Variants in LRP1B observed in about 807,000 individuals in gnomAD.
LRP1B encodes LDL receptor related protein 1B, also known as low-density lipoprotein receptor-related protein 1B.
In LRP1B, 217 loss-of-function variants were observed where a neutral mutation model predicts 556.6. That is an observed-to-expected ratio of 0.39 (90% CI 0.35 to 0.44). The LOEUF is 0.44. Among genes scored for constraint, LRP1B ranks in the 20% least tolerant of loss-of-function variants. The probability of loss-of-function intolerance (pLI) is 1.00; values close to 1 mark genes in which losing one functional copy is unlikely to be tolerated. For synonymous variants in LRP1B, 2,047 were observed against 1,865.8 expected, an observed-to-expected ratio of 1.10 and a Z score of -2.50; for missense variants, 5,053 against 5,620.8, an observed-to-expected ratio of 0.90 and a Z score of 3.23.
chr2:141,202,428 A>G (rs13396738), intron 6 of LRP1B, among the ~76,000 whole-genome samples: 39,352 of 152,090 alleles, frequency 0.26, 6,234 homozygotes, highest in East Asian at 0.63. Context: ...CTGGGTATAT[A>G]CCCAGTAACG....
chr2:140,836,394 A>G (rs1691903722), intron 31 of LRP1B, among the ~76,000 whole-genome samples: 1 of 152,088 alleles, frequency 6.6e-6, no homozygotes, highest in South Asian at 2.1e-4. Flanking sequence ...TTTTTTCCCA[A>G]CCATGTTGTC....
intron 20 of LRP1B, among the ~76,000 whole-genome samples, chr2:140,941,936 A>G (rs1695414458): frequency 1.3e-5 from 2 of 152,178 alleles, no homozygotes; most frequent in Admixed American, 1.3e-4. Context: ...AGCAATGAAC[A>G]CTAACCAAAT....
At chr2:140,556,677 C>G (rs895500868) in intron 43 of LRP1B, among the ~76,000 whole-genome samples, 3 of 151,948 alleles carry the variant, frequency 2.0e-5, no homozygotes, top group African/African-American at 7.2e-5. Flanking sequence ...GTCCCTACAT[C>G]TGTTTGAAAC....
At chr2:140,948,400 C>T (rs1157795632) in intron 20 of LRP1B, among the ~76,000 whole-genome samples, 2 of 151,752 alleles carry the variant, frequency 1.3e-5, no homozygotes, top group African/African-American at 2.4e-5. Context: ...TTTCTTTTTT[C>T]ACTCAATATT....
rs546282732 is a variant in LRP1B at position 141,165,663 on chromosome 2, A to C, written c.1013+22758T>G. 2.3e-3 allele frequency among the ~76,000 whole-genome samples: 350 copies of C among 152,128 alleles called. 2 individuals are homozygous for C. The highest frequency in any genetic ancestry group is 8.0e-3 in the African/African-American group (333 of 41,542). On this transcript the variant is annotated intron_variant, in intron 7 of 90. Transcript: ENST00000389484. ...TTGTGTTACTAATCAGTTAAAGTATAATTGAACCATTAAGGAAATTGGAAT... is the reference window on the plus strand; with the variant it reads ...TTGTGTTACTAATCAGTTAAAGTATCATTGAACCATTAAGGAAATTGGAAT...
chr2:140,656,482 T>C (rs937641366), intron 41 of LRP1B, among the ~76,000 whole-genome samples: 2 of 152,202 alleles, frequency 1.3e-5, no homozygotes, highest in African/African-American at 4.8e-5. Flanking sequence ...CCAAAGGCAT[T>C]GCTAAATTTT....
chr2:140,933,493 A>G (rs963574344), intron 20 of LRP1B, among the ~76,000 whole-genome samples: 2 of 152,082 alleles, frequency 1.3e-5, no homozygotes, highest in African/African-American at 4.8e-5. Context: ...AGAATAGGGA[A>G]CCAGAATTTA....
chr2:141,777,074 G>T (rs1026531425), intron 2 of LRP1B, among the ~76,000 whole-genome samples: 4 of 152,126 alleles, frequency 2.6e-5, no homozygotes, highest in Admixed American at 2.6e-4. Context: ...GTGGGGGTTA[G>T]GACTGCTAGG....
intron 66 of LRP1B, among the ~76,000 whole-genome samples, chr2:140,435,245 G>GT (rs1390487078): frequency 1.4e-5 from 2 of 147,088 alleles, no homozygotes; most frequent in East Asian, 1.9e-4. Flanking sequence ...TACATATTTT[G>GT]TTTTTTTCTA....
chr2:140,644,810 T>C (rs988633291), intron 41 of LRP1B, among the ~76,000 whole-genome samples: 1 of 152,124 alleles, frequency 6.6e-6, no homozygotes, highest in Non-Finnish European at 1.5e-5. Context: ...GGTGCGTGAG[T>C]ATTTACAGAG....
intron 1 of LRP1B, among the ~76,000 whole-genome samples, chr2:142,063,801 A>G (rs1705003784): frequency 6.6e-6 from 1 of 151,664 alleles, no homozygotes. Flanking sequence ...ATCATAATAC[A>G]AAGTAGAAAT....
At chr2:141,263,520 A>T (rs1684777375) in intron 3 of LRP1B, among the ~76,000 whole-genome samples, 1 of 152,100 alleles carries the variant, frequency 6.6e-6, no homozygotes, top group Non-Finnish European at 1.5e-5. Flanking sequence ...TGATTTAAAA[A>T]CTTTCCCACA....
intron 43 of LRP1B, among the ~76,000 whole-genome samples, chr2:140,589,473 G>A (rs1466611331): frequency 2.0e-5 from 3 of 152,130 alleles, no homozygotes; most frequent in African/African-American, 7.2e-5. Context: ...GAAGAATTAT[G>A]TTCATTCTAG....
At chr2:140,270,217 G>A (rs1264692043) in intron 86 of LRP1B, 25 bp downstream of exon 86, 1 of 1,518,490 alleles carries the variant, frequency 6.6e-7, no homozygotes, top group Non-Finnish European at 9.1e-7. Flanking sequence ...ATTATAAGAT[G>A]CCCATGACTT....
chr2:141,200,680 C>G (rs1279458690), intron 6 of LRP1B, among the ~76,000 whole-genome samples: 1 of 152,028 alleles, frequency 6.6e-6, no homozygotes, highest in Non-Finnish European at 1.5e-5. Context: ...TACCATTGCC[C>G]TAATTTTATT....
At chr2:141,262,832 A>C (rs1034658980) in intron 3 of LRP1B, among the ~76,000 whole-genome samples, 3 of 152,036 alleles carry the variant, frequency 2.0e-5, no homozygotes, top group Admixed American at 6.6e-5. Context: ...TGGTAGCATA[A>C]ATTTTTATGC....
At chr2:142,003,562 A>C (rs1702718902) in intron 1 of LRP1B, among the ~76,000 whole-genome samples, 1 of 152,192 alleles carries the variant, frequency 6.6e-6, no homozygotes, top group Admixed American at 6.5e-5. Flanking sequence ...ATTTCAGCAG[A>C]ATGAGCAGGA....
chr2:140,472,717 T>C (rs1440356793), intron 60 of LRP1B, among the ~76,000 whole-genome samples: 5 of 152,086 alleles, frequency 3.3e-5, no homozygotes, highest in Non-Finnish European at 7.4e-5. Flanking sequence ...ATTTATAAAA[T>C]TACTCTGTGG....
chr2:141,970,069 G>A (rs1701686470), intron 1 of LRP1B, among the ~76,000 whole-genome samples: 1 of 151,340 alleles, frequency 6.6e-6, no homozygotes, highest in Non-Finnish European at 1.5e-5. Flanking sequence ...TTGACCATTT[G>A]TATGTCTTCT....
Sources: gnomAD v4.1 joint callset for allele counts (sites outside exome capture counted in the v4.1 genomes callset) on GRCh38, gnomAD v4.1.1 for gene constraint, MANE v1.5 for transcripts, NCBI Gene and HGNC (gene_info 2026-07-23, HGNC 2026-07-21) for gene names.